The following CLIC2 variants were observed in gnomAD, a reference collection of about 807,000 sequenced individuals.
The protein encoded by CLIC2 is chloride intracellular channel protein 2.
Under a neutral mutation model 14.8 loss-of-function variants are expected in CLIC2, and 9 were observed. The observed-to-expected ratio is 0.61, with a 90% CI of 0.37 to 1.06. CLIC2 has a LOEUF of 1.06. Ranked by LOEUF, CLIC2 falls within the 50% of genes least tolerant of loss-of-function variation. The pLI is 0.01. For missense variants in CLIC2, 148 were observed against 181.4 expected (o/e 0.82, Z 1.06); for synonymous variants, 61 against 66.3 (o/e 0.92, Z 0.39).
chrX:155,280,990 G>GATTATATATATATATATATAT (rs2074916802), intron 3 of CLIC2, among the ~76,000 whole-genome samples: 1 of 89,918 alleles, frequency 1.1e-5, no homozygotes, highest in African/African-American at 4.1e-5. Flanking sequence ...GAAATTGTGA[G>GATTATATATATATATATATAT]ATATATATAT....
chrX:155,289,144 CA>C (rs367709540), intron 3 of CLIC2, among the ~76,000 whole-genome samples: 1,244 of 82,636 alleles, frequency 0.015, 9 homozygotes, highest in African/African-American at 0.037. Flanking sequence ...AACTCCGTCT[CA>C]AAAAAAAAAA....
intron 3 of CLIC2, among the ~76,000 whole-genome samples, chrX:155,296,710 C>CTCAACTTTACTAA (rs1208520758): frequency 9.0e-6 from 1 of 111,255 alleles, no homozygotes; most frequent in Non-Finnish European, 1.9e-5. Flanking sequence ...TAAAGAAATG[C>CTCAACTTTACTAA]TCAACTTTAC....
intron 1 of CLIC2, among the ~76,000 whole-genome samples, chrX:155,323,077 T>C (rs1486142461): frequency 1.2e-4 from 13 of 112,187 alleles, no homozygotes; most frequent in Non-Finnish European, 2.4e-4. Context: ...TCAGACGGAT[T>C]CACAGCCAAA....
intron 1 of CLIC2, among the ~76,000 whole-genome samples, chrX:155,300,071 T>C (rs2075010310): frequency 9.2e-6 from 1 of 109,087 alleles, no homozygotes; most frequent in Non-Finnish European, 1.9e-5. Flanking sequence ...GCATGATTTA[T>C]AGTTCTTTGG....
In CLIC2 at chrX:155,278,991, C is replaced by G. The variant is rs782654765; in HGVS notation, c.582+158G>C. ...CTTCCCAGAAGAGAACATTATGGAT[C>G]TTCCCTCTAAAGAGAAAAGAGATGT... On this transcript the variant is annotated intron_variant, in intron 5 of 5. Transcript: ENST00000369449. 20 of 501,000 alleles carry G rather than the reference C, an allele frequency of 4.0e-5. No homozygotes were observed. The East Asian group carries it at 6.7e-4, about 17-fold the overall frequency. 41.3% of individuals were successfully genotyped at this position (501,000 alleles called of 1,213,427 possible). A position where few individuals can be genotyped will look rare whatever the true frequency, so the allele number is the denominator to read the frequency against.
intron 1 of CLIC2, among the ~76,000 whole-genome samples, chrX:155,327,049 T>A (rs1305682476): frequency 9.0e-6 from 1 of 111,009 alleles, no homozygotes; most frequent in East Asian, 2.8e-4. Flanking sequence ...TACTATAGTT[T>A]TACAAGATGT....
At chrX:155,308,824 C>T (rs2075064297) in intron 1 of CLIC2, among the ~76,000 whole-genome samples, 1 of 111,515 alleles carries the variant, frequency 9.0e-6, no homozygotes, top group African/African-American at 3.3e-5. Context: ...AAACATCCTT[C>T]AAACATGGAG....
intron 3 of CLIC2, among the ~76,000 whole-genome samples, chrX:155,297,719 T>C (rs1247508809): frequency 3.1e-5 from 3 of 98,098 alleles, no homozygotes; most frequent in Non-Finnish European, 6.1e-5. Flanking sequence ...CCGGGCGTGG[T>C]GGCGGGCATC....
intron 1 of CLIC2, among the ~76,000 whole-genome samples, chrX:155,299,435 C>A (rs2075007012): frequency 9.0e-6 from 1 of 110,976 alleles, no homozygotes; most frequent in South Asian, 3.8e-4. Flanking sequence ...CTACTCTAAG[C>A]ACTTCAGAAA....
intron 5 of CLIC2, chrX:155,278,673 G>A (rs1253636209): frequency 3.4e-5 from 4 of 117,580 alleles, no homozygotes; most frequent in Non-Finnish European, 7.1e-5. Context: ...GGTGGCTCAC[G>A]CCTGTAATCC....
intron 1 of CLIC2, among the ~76,000 whole-genome samples, chrX:155,304,543 A>G (rs2075038771): frequency 1.1e-5 from 1 of 88,912 alleles, no homozygotes; most frequent in Non-Finnish European, 2.3e-5. Flanking sequence ...CCCGTAGCTC[A>G]GAGTAATTTG....
chrX:155,285,890 G>T (rs1444421786), intron 3 of CLIC2, among the ~76,000 whole-genome samples: 2 of 108,826 alleles, frequency 1.8e-5, no homozygotes, highest in African/African-American at 6.7e-5. Flanking sequence ...GAAGGGAGAA[G>T]ACAGAAGGAA....
At chrX:155,286,588 C>T (rs2074943853) in intron 3 of CLIC2, among the ~76,000 whole-genome samples, 1 of 112,476 alleles carries the variant, frequency 8.9e-6, no homozygotes, top group South Asian at 3.7e-4. Flanking sequence ...CTAGTTTACA[C>T]TCCCACTGAC....
intron 1 of CLIC2, among the ~76,000 whole-genome samples, chrX:155,319,271 T>C (rs1557321336): frequency 1.8e-5 from 2 of 111,606 alleles, no homozygotes; most frequent in African/African-American, 3.3e-5. Context: ...GCTGGCAAGA[T>C]GGCCAAATAA....
At chrX:155,314,297 A>G (rs1557320907) in intron 1 of CLIC2, among the ~76,000 whole-genome samples, 1 of 112,222 alleles carries the variant, frequency 8.9e-6, no homozygotes, top group Admixed American at 9.4e-5. Flanking sequence ...CACATTAAAT[A>G]AAAATACAAC....
intron 1 of CLIC2, among the ~76,000 whole-genome samples, chrX:155,323,160 C>T (rs1363232605): frequency 9.0e-6 from 1 of 111,702 alleles, no homozygotes; most frequent in Non-Finnish European, 1.9e-5. Flanking sequence ...AAAAGAGGGA[C>T]TCCTCCCTAA....
intron 3 of CLIC2, among the ~76,000 whole-genome samples, chrX:155,289,877 A>AGAGT (rs1412877924): frequency 8.9e-6 from 1 of 112,290 alleles, no homozygotes; most frequent in Non-Finnish European, 1.9e-5. Context: ...ATAGTCTGAC[A>AGAGT]GAGTTAGAAC....
intron 3 of CLIC2, among the ~76,000 whole-genome samples, chrX:155,293,932 G>T (rs2074983885): frequency 9.0e-6 from 1 of 111,525 alleles, no homozygotes; most frequent in Non-Finnish European, 1.9e-5. Context: ...TAGATCTAAA[G>T]GTAGAGACAG....
At chrX:155,305,035 T>C (rs951249818) in intron 1 of CLIC2, among the ~76,000 whole-genome samples, 4 of 111,878 alleles carry the variant, frequency 3.6e-5, no homozygotes, top group South Asian at 7.5e-4. Context: ...GTCTTTTTGT[T>C]TGTCTATGCC....
Sources: allele counts gnomAD v4.1 joint callset (sites outside exome capture counted in the v4.1 genomes callset), GRCh38; gene constraint gnomAD v4.1.1; transcripts MANE v1.5; gene names NCBI Gene and HGNC (gene_info 2026-07-23, HGNC 2026-07-21).